OSBPL6: variants seen among roughly 807,000 people sequenced by gnomAD.
The protein encoded by OSBPL6 is oxysterol-binding protein-related protein 6.
A neutral mutation model predicts 125.8 loss-of-function variants in OSBPL6; 49 were observed. That is an observed-to-expected ratio of 0.39 (90% CI 0.31 to 0.49). The LOEUF (loss-of-function observed/expected upper bound fraction) is 0.49. OSBPL6 is among the 20% of genes least tolerant of loss of function. The probability of loss-of-function intolerance (pLI) is 0.88; values close to 1 mark genes in which losing one functional copy is unlikely to be tolerated. For missense variants in OSBPL6, 986 were observed against 1,135.4 expected (o/e 0.87, Z 1.89); for synonymous variants, 394 against 391.8 (o/e 1.01, Z -0.07).
intron 4 of OSBPL6, among the ~76,000 whole-genome samples, chr2:178,325,457 G>A (rs1302528345): frequency 1.3e-5 from 2 of 152,088 alleles, no homozygotes; most frequent in African/African-American, 4.8e-5. Flanking sequence ...TGGAAAGCAG[G>A]GAGTTATTAA....
At chr2:178,363,834 G>T (rs1486561993) in intron 13 of OSBPL6, among the ~76,000 whole-genome samples, 1 of 152,030 alleles carries the variant, frequency 6.6e-6, no homozygotes, top group Non-Finnish European at 1.5e-5. Context: ...AGCCTTAAAA[G>T]ATGTGAAAAT....
intron 2 of OSBPL6, among the ~76,000 whole-genome samples, chr2:178,291,705 C>CCTTT (rs1685283773): frequency 1.3e-5 from 2 of 150,080 alleles, no homozygotes; most frequent in South Asian, 4.2e-4. Context: ...TTCCTTCCTT[C>CCTTT]TTTCCTCCCT....
chr2:178,260,696 A>G (rs1258335149), intron 1 of OSBPL6, among the ~76,000 whole-genome samples: 1 of 152,196 alleles, frequency 6.6e-6, no homozygotes, highest in Non-Finnish European at 1.5e-5. Context: ...GATAATTCTA[A>G]TTCAGATTGG....
intron 16 of OSBPL6, 189 bp from the exon 17 acceptor site, chr2:178,382,835 A>G (rs1182703496): frequency 7.2e-7 from 1 of 1,390,104 alleles, no homozygotes; most frequent in African/African-American, 1.5e-5. Flanking sequence ...TTATTTATAA[A>G]ACTATACACT....
At chr2:178,308,542 T>C (rs1686985389) in intron 3 of OSBPL6, among the ~76,000 whole-genome samples, 2 of 152,226 alleles carry the variant, frequency 1.3e-5, no homozygotes, top group South Asian at 4.1e-4. Flanking sequence ...TAATGCACAT[T>C]ATTTGCCTTT....
chr2:178,208,507 C>T (rs2089658959), intron 1 of OSBPL6, among the ~76,000 whole-genome samples: 1 of 152,110 alleles, frequency 6.6e-6, no homozygotes, highest in African/African-American at 2.4e-5. Context: ...TTTCAAAATA[C>T]TTATTTGCTT....
At chr2:178,344,341 C>A (rs137879178) in intron 11 of OSBPL6, 3 of 1,613,964 alleles carry the variant, frequency 1.9e-6, no homozygotes, top group East Asian at 2.2e-5. Context: ...CAGAGGCTAG[C>A]GGCAGCAGTG....
At position 178,383,086 on chromosome 2, in the gene OSBPL6, C is replaced by G. The variant is rs766366016; in HGVS notation, c.1684C>G (p.Pro562Ala). The change falls in exon 17 of 25, where the codon CCT becomes GCT. Residue 562 changes from proline (P) to alanine (A), a missense_variant. Pro to Ala is a conservative substitution (Grantham distance 27, BLOSUM62 -1). Transcript: ENST00000190611. ...RNGRRACLPA[P>A]CPDTSNINLW... Reference sequence around the variant, plus strand: ...TGGGCGTCGAGCATGCCTGCCAGCTCCTTGTCCTGACACCAGTAACATTAA... The same window carrying G: ...TGGGCGTCGAGCATGCCTGCCAGCTGCTTGTCCTGACACCAGTAACATTAA... 5 of 1,614,182 alleles carry G rather than the reference C, an allele frequency of 3.1e-6. No homozygotes were observed. The South Asian group carries it at 5.5e-5, about 18-fold the overall frequency.
At chr2:178,209,599 A>T (rs2089739941) in intron 1 of OSBPL6, among the ~76,000 whole-genome samples, 1 of 151,522 alleles carries the variant, frequency 6.6e-6, no homozygotes. Flanking sequence ...TCTGTGTTTC[A>T]TGTTTGAGTT....
At chr2:178,212,200 C>G (rs768319219) in intron 1 of OSBPL6, among the ~76,000 whole-genome samples, 3 of 152,052 alleles carry the variant, frequency 2.0e-5, no homozygotes, top group Admixed American at 1.3e-4. Flanking sequence ...CCTGACATAC[C>G]CTGTGTCATG....
At chr2:178,295,574 C>A (rs1685674807) in intron 2 of OSBPL6, among the ~76,000 whole-genome samples, 1 of 152,098 alleles carries the variant, frequency 6.6e-6, no homozygotes, top group Admixed American at 6.6e-5. Context: ...CCCTCCATCC[C>A]CCATCTAGTC....
intron 2 of OSBPL6, among the ~76,000 whole-genome samples, chr2:178,288,071 A>T (rs974141000): frequency 6.6e-6 from 1 of 152,128 alleles, no homozygotes; most frequent in Non-Finnish European, 1.5e-5. Flanking sequence ...GGAAGCTGCC[A>T]TTGACTCCCT....
At chr2:178,212,540 TAAG>T (rs2089908867) in intron 1 of OSBPL6, among the ~76,000 whole-genome samples, 3 of 152,224 alleles carry the variant, frequency 2.0e-5, no homozygotes, top group East Asian at 1.9e-4. Flanking sequence ...CTATTAGTGT[TAAG>T]AAGAAGTGAC....
chr2:178,247,817 T>TCCCTTTCAGTTTCCCTGCTC (rs2091549281), intron 1 of OSBPL6, among the ~76,000 whole-genome samples: 1 of 152,184 alleles, frequency 6.6e-6, no homozygotes, highest in Non-Finnish European at 1.5e-5. Context: ...TGCCCCTGTT[T>TCCCTTTCAGTTTCCCTGCTC]CCCTTTCAGT....
rs575167591 is a variant in OSBPL6 at position 178,399,535 on chromosome 2, G to C, written c.*3976G>C. The C allele has an allele frequency of 3.3e-4, 51 of 152,284 alleles. No homozygotes were observed. Among genetic ancestry groups the C allele is most frequent in the African/African-American group, 1.2e-3 (50 of 41,572 alleles). The allele number at this position is 152,284 out of a possible 1,614,324, so 9.4% of individuals were successfully genotyped here. A position where few individuals can be genotyped will look rare whatever the true frequency, so the allele number is the denominator to read the frequency against. On this transcript the variant is annotated 3_prime_UTR_variant, in exon 25 of 25. Transcript: ENST00000190611. ...CTTAGCTTTATTACGTCCAAAATGA[G>C]ATCTAAAGAAGGAGGTCTTTAAAAA...
intron 1 of OSBPL6, among the ~76,000 whole-genome samples, chr2:178,201,606 C>T (rs1461839203): frequency 1.3e-5 from 2 of 152,160 alleles, no homozygotes; most frequent in African/African-American, 4.8e-5. Context: ...TCCAGCATTA[C>T]CCAAATCACA....
chr2:178,391,896 A>C (rs908365433), intron 22 of OSBPL6, among the ~76,000 whole-genome samples: 3 of 152,226 alleles, frequency 2.0e-5, no homozygotes, highest in Non-Finnish European at 4.4e-5. Context: ...TCATTCCGCA[A>C]CTATTTATTG....
At chr2:178,387,873 G>A (rs761703761) in intron 20 of OSBPL6, among the ~76,000 whole-genome samples, 3 of 151,898 alleles carry the variant, frequency 2.0e-5, no homozygotes, top group South Asian at 2.1e-4. Context: ...GTGTGGTGGC[G>A]GGCGCCTATA....
intron 1 of OSBPL6, among the ~76,000 whole-genome samples, chr2:178,216,803 C>T (rs545863082): frequency 1.3e-5 from 2 of 152,220 alleles, no homozygotes; most frequent in African/African-American, 4.8e-5. Flanking sequence ...CATGAGGAGA[C>T]ATCAGATGGA....
Sources: allele counts gnomAD v4.1 joint callset (sites outside exome capture counted in the v4.1 genomes callset), GRCh38; gene constraint gnomAD v4.1.1; transcripts MANE v1.5; gene names NCBI Gene and HGNC (gene_info 2026-07-23, HGNC 2026-07-21).